The following SFXN5 variants were observed in gnomAD, a reference collection of about 807,000 sequenced individuals.
SFXN5 encodes sideroflexin-5.
A neutral mutation model predicts 50.2 loss-of-function variants in SFXN5; 43 were observed. The observed-to-expected ratio is 0.86, with a 90% confidence interval of 0.67 to 1.11. The LOEUF is 1.11. Ranked by LOEUF, SFXN5 falls within the 50% of genes least tolerant of loss-of-function variation. SFXN5 has a pLI of 0.00. For synonymous variants in SFXN5, 203 were observed against 185.8 expected (o/e 1.09, Z -0.75); for missense variants, 463 against 454.1 (o/e 1.02, Z -0.18).
chr2:72,972,082 G>C (rs965611948), intron 10 of SFXN5, among the ~76,000 whole-genome samples: 1 of 152,198 alleles, frequency 6.6e-6, no homozygotes, highest in Non-Finnish European at 1.5e-5. Flanking sequence ...CCATCACTGG[G>C]GCCCTTGCGC....
chr2:73,069,132 G>A (rs1683389878), intron 1 of SFXN5, among the ~76,000 whole-genome samples: 1 of 152,130 alleles, frequency 6.6e-6, no homozygotes, highest in African/African-American at 2.4e-5. Context: ...TCAGAAGCAG[G>A]GGAAGCCATT....
intron 3 of SFXN5, among the ~76,000 whole-genome samples, chr2:73,031,854 G>T (rs1449735338): frequency 6.6e-6 from 1 of 152,152 alleles, no homozygotes; most frequent in African/African-American, 2.4e-5. Flanking sequence ...CTCACAGCTT[G>T]GACTTGTATT....
Position 72,960,736 on chromosome 2 carries a change from G to A in SFXN5, c.945+395C>T, listed in dbSNP as rs1204862449. The stretch of plus-strand genomic sequence containing the variant: ...TGGTCAGCTCTTGGACATGGCGTGT[G>A]CTGCCTCACCTCTCAGAACCTTCAC... On this transcript the variant is annotated intron_variant, in intron 13 of 13. Coordinates refer to ENST00000272433, the MANE Select transcript of SFXN5 (RefSeq NM_144579.3). The surrounding 1 kb of genome is among the most constrained non-coding windows in gnomAD (Gnocchi z 6.1). Among the ~76,000 whole-genome samples, 1 of 152,120 alleles carries A rather than the reference G, an allele frequency of 6.6e-6. No homozygotes were observed. Among genetic ancestry groups the A allele is most frequent in the East Asian group, 1.9e-4 (1 of 5,180 alleles).
intron 1 of SFXN5, among the ~76,000 whole-genome samples, chr2:73,067,461 T>G (rs1683259570): frequency 6.6e-6 from 1 of 152,196 alleles, no homozygotes; most frequent in African/African-American, 2.4e-5. Context: ...TTTCTTAGTT[T>G]TGAAAAATGT....
chr2:72,942,665 C>G lies in SFXN5; in HGVS notation c.*2357G>C, dbSNP rs1293860853. On this transcript the variant is annotated 3_prime_UTR_variant, in exon 14 of 14. Transcript: ENST00000272433. ...AGGGCCTAGTGGCATAGCCCACTGT[C>G]CCTCTGTCACCCTCACCCTAGGCTA... is the stretch of plus-strand genomic sequence containing the variant. The G allele has an allele frequency of 6.6e-6, 1 of 152,364 alleles. No homozygotes were observed. The highest frequency in any genetic ancestry group is 2.4e-5 in the African/African-American group (1 of 41,464). The allele number at this position is 152,364 out of a possible 1,614,324, so 9.4% of individuals were successfully genotyped here.
intron 10 of SFXN5, among the ~76,000 whole-genome samples, chr2:72,978,600 T>C (rs1377945858): frequency 6.6e-6 from 1 of 152,082 alleles, no homozygotes; most frequent in Non-Finnish European, 1.5e-5. Context: ...ACAAAAATTT[T>C]AAGAGATTGA....
intron 2 of SFXN5, among the ~76,000 whole-genome samples, chr2:73,048,616 T>C (rs1286065442): frequency 6.6e-6 from 1 of 152,194 alleles, no homozygotes; most frequent in Non-Finnish European, 1.5e-5. Context: ...TAGACTTTTA[T>C]ATGTCTTCCA....
At chr2:73,001,151 G>A (rs939413782) in intron 7 of SFXN5, among the ~76,000 whole-genome samples, 2 of 152,244 alleles carry the variant, frequency 1.3e-5, no homozygotes, top group Non-Finnish European at 2.9e-5. Context: ...CAGCAGATGT[G>A]GGGGAGGCTG....
chr2:73,060,373 T>C (rs941904139), intron 1 of SFXN5, among the ~76,000 whole-genome samples: 3 of 151,978 alleles, frequency 2.0e-5, no homozygotes, highest in African/African-American at 7.3e-5. Context: ...AGGGACTAAA[T>C]AAATCTAATC....
chr2:73,041,625 G>A, intron 2 of SFXN5: 3 of 431,858 alleles, frequency 6.9e-6, no homozygotes, highest in South Asian at 3.3e-5. Context: ...AGGAGGCAGG[G>A]GTTGCAGTGA....
intron 1 of SFXN5, among the ~76,000 whole-genome samples, chr2:73,061,244 G>T (rs988952671): frequency 6.6e-6 from 1 of 151,004 alleles, no homozygotes; most frequent in Admixed American, 6.6e-5. Context: ...GGAGGTGGAG[G>T]TTGCAGCGAG....
intron 11 of SFXN5, among the ~76,000 whole-genome samples, chr2:72,970,086 C>T (rs1380566109): frequency 6.6e-6 from 1 of 152,200 alleles, no homozygotes; most frequent in African/African-American, 2.4e-5. Flanking sequence ...CCAGGGGCCA[C>T]TTGGGTTTCC....
In SFXN5 at chr2:73,071,662, G is replaced by A. The variant is rs1335244237; in HGVS notation, c.44C>T (p.Ala15Val). 3 of 1,612,812 alleles carry A rather than the reference G, an allele frequency of 1.9e-6. No individual in the cohort carries two copies. Among genetic ancestry groups the A allele is most frequent in the Non-Finnish European group, 2.5e-6 (3 of 1,179,792 alleles). Residue 15 changes from alanine to valine, a missense_variant, in exon 1 of 14, where the codon GCC becomes GTC. By Grantham distance (64) the Ala-to-Val change is moderately conservative. Transcript: ENST00000272433. The part of the protein sequence containing the change: ...ATTASAAAAS[A>V]ASASSDAPPF... ...AGGTGCATCGCTCGAGGCGCTAGCG[G>A]CACTAGCCGCCGCCGCCGATGCTGT...
chr2:73,004,313 GCGCACACACACA>G (rs1160632896), intron 6 of SFXN5, among the ~76,000 whole-genome samples: 10 of 138,500 alleles, frequency 7.2e-5, no homozygotes, highest in Admixed American at 2.1e-4. Flanking sequence ...ATGAGTGCGC[GCGCACACACACA>G]CACACACACA....
At chr2:73,035,742 C>T (rs1470044431) in intron 3 of SFXN5, among the ~76,000 whole-genome samples, 1 of 152,044 alleles carries the variant, frequency 6.6e-6, no homozygotes, top group Non-Finnish European at 1.5e-5. Flanking sequence ...TTAGGTGATC[C>T]ACCTGTCTTG....
intron 11 of SFXN5, among the ~76,000 whole-genome samples, chr2:72,970,158 G>T (rs1201446927): frequency 6.6e-6 from 1 of 152,196 alleles, no homozygotes; most frequent in Non-Finnish European, 1.5e-5. Context: ...GGGGGCTGGG[G>T]AAAAGAACAG....
chr2:73,038,141 C>A (rs34705317), intron 3 of SFXN5, among the ~76,000 whole-genome samples: 3 of 152,236 alleles, frequency 2.0e-5, no homozygotes, highest in African/African-American at 7.2e-5. Flanking sequence ...GCCTGCAACA[C>A]ACCTAGGCTA....
intron 3 of SFXN5, among the ~76,000 whole-genome samples, chr2:73,035,308 T>C (rs1255153907): frequency 6.6e-6 from 1 of 152,118 alleles, no homozygotes. Context: ...AGAGTCAACA[T>C]TCAGAAACTT....
chr2:73,034,700 A>C (rs1268273655), intron 3 of SFXN5, among the ~76,000 whole-genome samples: 5 of 151,472 alleles, frequency 3.3e-5, no homozygotes, highest in South Asian at 2.1e-4. Flanking sequence ...ACTCCCCATC[A>C]CTCCAGTTGC....
Sources: gnomAD v4.1 joint callset for allele counts (sites outside exome capture counted in the v4.1 genomes callset) on GRCh38, gnomAD v4.1.1 for gene constraint, Gnocchi (gnomAD v3.1) non-coding constraint, MANE v1.5 for transcripts, NCBI Gene and HGNC (gene_info 2026-07-23, HGNC 2026-07-21) for gene names.